Variants in PTPRM observed in about 807,000 individuals in gnomAD.
PTPRM encodes receptor-type tyrosine-protein phosphatase mu.
A neutral mutation model predicts 186.7 loss-of-function variants in PTPRM; 47 were observed. The ratio of observed to expected loss-of-function variants is 0.25; its 90% confidence interval spans 0.20 to 0.32. The LOEUF (loss-of-function observed/expected upper bound fraction) is 0.32, where lower values mean the gene tolerates loss of function less well. Ranked by LOEUF, PTPRM falls within the 10% of genes least tolerant of loss-of-function variation. PTPRM has a pLI of 1.00. For synonymous variants in PTPRM, 668 were observed against 674.9 expected (o/e 0.99, Z 0.16); for missense variants, 1,494 against 1,865.0 (o/e 0.80, Z 3.66).
At chr18:8,317,845 G>A (rs2095320452) in intron 21 of PTPRM, among the ~76,000 whole-genome samples, 1 of 152,112 alleles carries the variant, frequency 6.6e-6, no homozygotes, top group Non-Finnish European at 1.5e-5. Context: ...CTAACTACTG[G>A]GCACCTTGTT....
rs1555749529 is a variant in PTPRM at position 8,118,811 on chromosome 18, A to AATAT, written c.2167+4003_2167+4006dup. ...TGACATTCCATCTCAAAAAAAAAAAAATATATATATATATATATATATGAG... is the reference window on the plus strand; with the variant it reads ...TGACATTCCATCTCAAAAAAAAAAAAATATATATATATATATATATATATATGAG... On this transcript the variant is annotated intron_variant, in intron 13 of 32. Transcript: ENST00000580170. 2.1e-3 allele frequency among the ~76,000 whole-genome samples: 265 copies of AATAT among 128,328 alleles called. 2 individuals are homozygous for AATAT. Among genetic ancestry groups the AATAT allele is most frequent in the East Asian group, 5.8e-3 (27 of 4,688 alleles). 84.2% of individuals were successfully genotyped at this position (128,328 alleles called of 152,430 possible).
chr18:7,622,188 T>C (rs1357534729), intron 1 of PTPRM, among the ~76,000 whole-genome samples: 1 of 152,220 alleles, frequency 6.6e-6, no homozygotes, highest in Non-Finnish European at 1.5e-5. Context: ...TTCTAAAAAT[T>C]GAATTTTTAT....
chr18:8,394,936 A>G (rs771074754), intron 32 of PTPRM, among the ~76,000 whole-genome samples: 2 of 152,198 alleles, frequency 1.3e-5, no homozygotes, highest in Non-Finnish European at 2.9e-5. Context: ...AGAAATAATC[A>G]TAGTACGTGA....
chr18:8,080,074 A>T (rs1225101088), intron 9 of PTPRM, among the ~76,000 whole-genome samples: 1 of 152,182 alleles, frequency 6.6e-6, no homozygotes, highest in Non-Finnish European at 1.5e-5. Context: ...GTGATACAGA[A>T]GTTTAAATTT....
At chr18:7,731,973 T>G (rs2040668413) in intron 1 of PTPRM, among the ~76,000 whole-genome samples, 1 of 152,212 alleles carries the variant, frequency 6.6e-6, no homozygotes, top group Admixed American at 6.5e-5. Context: ...TTAAGTTTTC[T>G]TTTTGGAGAG....
At chr18:7,580,370 T>C (rs2036812063) in intron 1 of PTPRM, among the ~76,000 whole-genome samples, 1 of 152,186 alleles carries the variant, frequency 6.6e-6, no homozygotes, top group South Asian at 2.1e-4. Context: ...AGATTTTAGA[T>C]GCTTTGAACA....
chr18:8,251,073 C>T (rs957450200), intron 17 of PTPRM, among the ~76,000 whole-genome samples: 2 of 152,042 alleles, frequency 1.3e-5, no homozygotes, highest in Admixed American at 1.3e-4. Context: ...ACGTGTTCCA[C>T]ACTAGTAATG....
chr18:8,210,172 A>C (rs1320168029), intron 14 of PTPRM, among the ~76,000 whole-genome samples: 1 of 152,042 alleles, frequency 6.6e-6, no homozygotes, highest in Non-Finnish European at 1.5e-5. Flanking sequence ...TTAGCTGGGC[A>C]TGGTGGCAAG....
intron 1 of PTPRM, among the ~76,000 whole-genome samples, chr18:7,720,022 A>AC (rs1444727012): frequency 6.6e-6 from 1 of 152,078 alleles, no homozygotes; most frequent in Non-Finnish European, 1.5e-5. Flanking sequence ...AGATAGCAAG[A>AC]CCCCGTCTCT....
chr18:8,289,836 GA>G (rs1257999947), intron 19 of PTPRM, among the ~76,000 whole-genome samples: 1 of 151,956 alleles, frequency 6.6e-6, no homozygotes, highest in Non-Finnish European at 1.5e-5. Flanking sequence ...TTCTTTAAAA[GA>G]TCAGTGAATG....
At chr18:7,775,322 G>A (rs189647631) in intron 2 of PTPRM, among the ~76,000 whole-genome samples, 1 of 152,224 alleles carries the variant, frequency 6.6e-6, no homozygotes, top group East Asian at 1.9e-4. Flanking sequence ...CCTTGCAGCT[G>A]CAGCTCACAC....
Position 8,378,428 on chromosome 18 carries a change from A to AAGGGAGGGGCACTGCCTG in PTPRM, c.3612+29_3612+30insCTGAGGGAGGGGCACTGC. On this transcript the variant is annotated intron_variant, in intron 27 of 32. Coordinates refer to ENST00000580170, the MANE Select transcript of PTPRM (RefSeq NM_001105244.2). ...GAGGAATTCCGGGTAAGTGATGCCTAAGGGAGGGGCACTGCACGGTGACTT... is the reference window on the plus strand; with the variant it reads ...GAGGAATTCCGGGTAAGTGATGCCTAAGGGAGGGGCACTGCCTGAGGGAGGGGCACTGCACGGTGACTT... 1 of 1,613,636 alleles carries AAGGGAGGGGCACTGCCTG rather than the reference A, an allele frequency of 6.2e-7. No individual in the cohort carries two copies. Among genetic ancestry groups the AAGGGAGGGGCACTGCCTG allele is most frequent in the Non-Finnish European group, 8.5e-7 (1 of 1,179,676 alleles).
At chr18:8,304,714 G>T (rs377223580) in intron 20 of PTPRM, among the ~76,000 whole-genome samples, 2 of 151,928 alleles carry the variant, frequency 1.3e-5, no homozygotes, top group South Asian at 4.2e-4. Context: ...GGAAAACTTG[G>T]GGAACATATC....
intron 7 of PTPRM, among the ~76,000 whole-genome samples, chr18:8,013,719 G>A (rs1011353172): frequency 2.0e-5 from 3 of 152,256 alleles, no homozygotes; most frequent in Admixed American, 1.3e-4. Context: ...AAGGAGGAAC[G>A]CCATTAGTTC....
intron 14 of PTPRM, among the ~76,000 whole-genome samples, chr18:8,188,986 A>G (rs1479909442): frequency 7.9e-5 from 12 of 152,176 alleles, no homozygotes. Context: ...AGTATAAATT[A>G]TTTTTGTATG....
chr18:7,982,341 A>T (rs1431979982), intron 7 of PTPRM, among the ~76,000 whole-genome samples: 2 of 146,590 alleles, frequency 1.4e-5, no homozygotes, highest in African/African-American at 5.1e-5. Flanking sequence ...ACAAACACAC[A>T]TTAGCCTAGG....
intron 1 of PTPRM, among the ~76,000 whole-genome samples, chr18:7,612,855 C>T (rs1156232470): frequency 1.3e-5 from 2 of 152,150 alleles, no homozygotes; most frequent in African/African-American, 4.8e-5. Context: ...ACTAATTGGG[C>T]TTACAAAGTG....
rs545561336 is a variant in PTPRM, at chr18:7,889,377, C to T, written c.468+1000C>T. 4.2e-5 allele frequency among the ~76,000 whole-genome samples: 6 copies of T among 141,454 alleles called. No homozygotes were observed. The South Asian group carries it at 1.4e-3, about 32-fold the overall frequency. 92.8% of individuals were successfully genotyped at this position (141,454 alleles called of 152,430 possible). ...TTTGAGACTGGGACTCGTTCCATCA[C>T]CCGGGCTGGAGTACAGTGTTGTGAT... On this transcript the variant is annotated intron_variant, in intron 3 of 32. Transcript: ENST00000580170.
At chr18:7,846,211 C>G (rs1295366126) in intron 2 of PTPRM, among the ~76,000 whole-genome samples, 1 of 152,090 alleles carries the variant, frequency 6.6e-6, no homozygotes, top group East Asian at 1.9e-4. Context: ...ACTCACACGC[C>G]TGAAATAGAA....
Sources: allele counts gnomAD v4.1 joint callset (sites outside exome capture counted in the v4.1 genomes callset), GRCh38; gene constraint gnomAD v4.1.1; transcripts MANE v1.5; gene names NCBI Gene and HGNC (gene_info 2026-07-23, HGNC 2026-07-21).